Variants in PTK2 observed in about 807,000 individuals in gnomAD.
The protein encoded by PTK2 is focal adhesion kinase 1.
PTK2 carries 45 observed loss-of-function variants against 150.1 expected under a neutral mutation model. The ratio of observed to expected loss-of-function variants is 0.30; its 90% confidence interval spans 0.24 to 0.38. The LOEUF is 0.38. Among genes scored for constraint, PTK2 ranks in the 10% least tolerant of loss-of-function variants. The probability of loss-of-function intolerance (pLI) is 1.00; values close to 1 mark genes in which losing one functional copy is unlikely to be tolerated. For missense variants in PTK2, 919 were observed against 1,307.3 expected (o/e 0.70, Z 4.58); for synonymous variants, 432 against 449.2 (o/e 0.96, Z 0.48).
At chr8:140,969,378 C>A (rs2100186446) in intron 1 of PTK2, among the ~76,000 whole-genome samples, 1 of 152,200 alleles carries the variant, frequency 6.6e-6, no homozygotes, top group African/African-American at 2.4e-5. Context: ...ATCCTATAAA[C>A]AAGCACACAC....
intron 4 of PTK2, among the ~76,000 whole-genome samples, chr8:140,874,701 A>G (rs1249112299): frequency 6.6e-6 from 1 of 152,184 alleles, no homozygotes; most frequent in East Asian, 1.9e-4. Context: ...CTATCATAAT[A>G]GAAATTAATT....
intron 8 of PTK2, among the ~76,000 whole-genome samples, chr8:140,826,545 G>T (rs1429866812): frequency 4.6e-5 from 7 of 152,154 alleles, no homozygotes; most frequent in African/African-American, 7.2e-5. Context: ...TGAATCCATA[G>T]CTAACAGTAG....
intron 7 of PTK2, among the ~76,000 whole-genome samples, chr8:140,833,828 A>G (rs936043546): frequency 9.2e-5 from 14 of 152,322 alleles, no homozygotes; most frequent in Admixed American, 6.5e-4. Flanking sequence ...AGCTTTTAGA[A>G]TATTGCCAAA....
chr8:140,711,622 C>T (rs1405925507), intron 23 of PTK2, among the ~76,000 whole-genome samples: 1 of 152,154 alleles, frequency 6.6e-6, no homozygotes, highest in Non-Finnish European at 1.5e-5. Context: ...TTAAACTTTA[C>T]CAAGATTTTC....
chr8:140,864,455 A>AGTC, intron 4 of PTK2, 56 bp from the exon 5 acceptor site: 1 of 1,031,068 alleles, frequency 9.7e-7, no homozygotes, highest in Non-Finnish European at 1.4e-6. Context: ...CTCAATTTAC[A>AGTC]GTCTACAATT....
At chr8:140,920,562 T>C (rs2100167029) in intron 2 of PTK2, among the ~76,000 whole-genome samples, 2 of 152,152 alleles carry the variant, frequency 1.3e-5, no homozygotes, top group African/African-American at 4.8e-5. Flanking sequence ...TATTGAGACA[T>C]AGGACAGAGC....
chr8:140,915,281 G>T (rs1379284934), intron 2 of PTK2, among the ~76,000 whole-genome samples: 2 of 152,000 alleles, frequency 1.3e-5, no homozygotes, highest in East Asian at 3.9e-4. Context: ...TTGTTTGATC[G>T]GGCTGGGTGT....
chr8:140,664,960 A>T (rs778889175), exon 31 of PTK2: 1 of 1,613,862 alleles, frequency 6.2e-7, no homozygotes, highest in Non-Finnish European at 8.5e-7. Flanking sequence ...GGTCTCATCC[A>T]CAGTGGCCAA....
chr8:140,818,189 A>C, intron 10 of PTK2, 88 bp downstream of exon 10: 1 of 1,247,298 alleles, frequency 8.0e-7, no homozygotes, highest in Non-Finnish European at 1.2e-6. Context: ...TAATTGTAAA[A>C]TGATCTTTTC....
At chr8:140,931,031 A>G (rs974324713) in intron 1 of PTK2, among the ~76,000 whole-genome samples, 5 of 148,554 alleles carry the variant, frequency 3.4e-5, no homozygotes, top group Admixed American at 6.9e-5. Context: ...AGATCACACC[A>G]CTGCACTCCA....
Position 140,676,765 on chromosome 8 carries a change from T to TA in PTK2, c.2563-1267dup, listed in dbSNP as rs869199304. Among the ~76,000 whole-genome samples the TA allele has an allele frequency of 2.1e-3, 114 of 55,564 alleles. 1 individual carries two copies. The highest frequency in any genetic ancestry group is 8.7e-3 in the East Asian group (17 of 1,950). The allele number at this position is 55,564 out of a possible 152,430, so 36.5% of individuals were successfully genotyped here. On this transcript the variant is annotated intron_variant, in intron 27 of 31. Coordinates refer to ENST00000522684, the Ensembl canonical transcript of PTK2. The stretch of plus-strand genomic sequence containing the variant: ...ACATGGTGAAACCCCGTCTCTACTT[T>TA]AAAAAAAAAAAAAAAAAAAAAAAAT...
intron 22 of PTK2, among the ~76,000 whole-genome samples, chr8:140,729,511 T>C (rs1316386374): frequency 6.6e-6 from 1 of 152,138 alleles, no homozygotes; most frequent in Non-Finnish European, 1.5e-5. Flanking sequence ...AGAAAATACT[T>C]TGAAAGTACA....
intron 1 of PTK2, among the ~76,000 whole-genome samples, chr8:140,943,400 G>A (rs1439981083): frequency 1.3e-5 from 2 of 152,194 alleles, no homozygotes. Context: ...ATTTTGTTAG[G>A]TGCGTCAGCA....
At chr8:140,676,588 G>A (rs140682582) in intron 27 of PTK2, among the ~76,000 whole-genome samples, 90 of 132,958 alleles carry the variant, frequency 6.8e-4, no homozygotes, top group African/African-American at 2.3e-3. Flanking sequence ...TGGGGACTTC[G>A]AAGAGTTGCC....
At chr8:140,669,625 C>T (rs2094511166) in intron 29 of PTK2, 102 bp downstream of exon 33, 1 of 1,339,888 alleles carries the variant, frequency 7.5e-7, no homozygotes, top group Admixed American at 2.1e-5. Flanking sequence ...GGCCGAAGTG[C>T]CCTCCCACTT....
chr8:140,887,469 G>A (rs1024252975), intron 3 of PTK2, among the ~76,000 whole-genome samples: 1 of 152,132 alleles, frequency 6.6e-6, no homozygotes, highest in Non-Finnish European at 1.5e-5. Context: ...ACACATAATT[G>A]TAAAAGCACT....
chr8:140,665,690 C>T (rs573668345), intron 30 of PTK2, among the ~76,000 whole-genome samples: 1 of 152,102 alleles, frequency 6.6e-6, no homozygotes, highest in Admixed American at 6.5e-5. Context: ...ATGAATAAAA[C>T]CAGTAAGAAA....
At chr8:140,786,903 GAAC>G (rs1220252791) in intron 14 of PTK2, among the ~76,000 whole-genome samples, 1 of 152,018 alleles carries the variant, frequency 6.6e-6, no homozygotes. Flanking sequence ...AGCTCAAGCA[GAAC>G]AACAGAGATA....
At chr8:140,889,865 T>C (rs1012471410) in intron 3 of PTK2, among the ~76,000 whole-genome samples, 1 of 152,222 alleles carries the variant, frequency 6.6e-6, no homozygotes, top group Non-Finnish European at 1.5e-5. Flanking sequence ...TTGCCTAGCA[T>C]GCTCTTCTCC....
Sources: gnomAD v4.1 joint callset for allele counts (sites outside exome capture counted in the v4.1 genomes callset) on GRCh38, gnomAD v4.1.1 for gene constraint, MANE v1.5 for transcripts, NCBI Gene and HGNC (gene_info 2026-07-23, HGNC 2026-07-21) for gene names.